The following NAV2 variants were observed in gnomAD, a reference collection of about 807,000 sequenced individuals.
The protein encoded by NAV2 is neuron navigator 2, also known as helicase, APC down-regulated 1.
A neutral mutation model predicts 223.2 loss-of-function variants in NAV2; 54 were observed. That is an observed-to-expected ratio of 0.24 (90% confidence interval 0.19 to 0.30). NAV2 has a LOEUF of 0.30. Among genes scored for constraint, NAV2 ranks in the 10% least tolerant of loss-of-function variants. The pLI, the probability that NAV2 is intolerant of heterozygous loss-of-function variation, is 1.00. For synonymous variants in NAV2, 1,279 were observed against 1,239.3 expected, an observed-to-expected ratio of 1.03 and a Z score of -0.67; for missense variants, 2,806 against 3,147.5, an observed-to-expected ratio of 0.89 and a Z score of 2.60.
At chr11:19,676,288 T>C (rs1341441367) in intron 1 of NAV2, among the ~76,000 whole-genome samples, 2 of 151,732 alleles carry the variant, frequency 1.3e-5, no homozygotes, top group East Asian at 3.9e-4. Flanking sequence ...CTTGGGTTCA[T>C]AACTGGCTCT....
At chr11:19,664,492 C>A (rs2048360979) in intron 1 of NAV2, among the ~76,000 whole-genome samples, 1 of 152,112 alleles carries the variant, frequency 6.6e-6, no homozygotes, top group Non-Finnish European at 1.5e-5. Flanking sequence ...GTCATGAGTC[C>A]AAGCTTAATT....
intron 1 of NAV2, among the ~76,000 whole-genome samples, chr11:19,699,768 C>T (rs1483104208): frequency 6.6e-6 from 1 of 152,192 alleles, no homozygotes; most frequent in African/African-American, 2.4e-5. Flanking sequence ...AGATGTGATC[C>T]AGGACTGCAA....
At chr11:19,559,480 C>G in intron 1 of NAV2, among the ~76,000 whole-genome samples, 1 of 152,214 alleles carries the variant, frequency 6.6e-6, no homozygotes, top group East Asian at 1.9e-4. Flanking sequence ...AAGAAAGCAT[C>G]TTATCACCTA....
chr11:19,791,477 G>T (rs1473542760), intron 1 of NAV2, among the ~76,000 whole-genome samples: 1 of 152,176 alleles, frequency 6.6e-6, no homozygotes, highest in Non-Finnish European at 1.5e-5. Context: ...AAGAAGCTGT[G>T]CCTGAGAGCT....
At chr11:19,848,107 C>A (rs568919764) in intron 3 of NAV2, among the ~76,000 whole-genome samples, 1 of 152,326 alleles carries the variant, frequency 6.6e-6, no homozygotes, top group South Asian at 2.1e-4. Context: ...TAGAGCACAG[C>A]CCTTCTTCTC....
intron 1 of NAV2, among the ~76,000 whole-genome samples, chr11:19,477,926 T>A (rs1436427715): frequency 6.6e-6 from 1 of 152,134 alleles, no homozygotes; most frequent in Non-Finnish European, 1.5e-5. Flanking sequence ...TAGCACTAGA[T>A]CCCAAAATAC....
intron 9 of NAV2, among the ~76,000 whole-genome samples, chr11:19,947,209 G>A (rs368847931): frequency 7.4e-4 from 113 of 152,224 alleles, no homozygotes; most frequent in African/African-American, 2.6e-3. Context: ...GAAACCACAG[G>A]GCTTCCCCAC....
chr11:20,046,740 A>G (rs1742103361), intron 14 of NAV2, among the ~76,000 whole-genome samples: 1 of 152,190 alleles, frequency 6.6e-6, no homozygotes, highest in African/African-American at 2.4e-5. Flanking sequence ...TAAACAAATT[A>G]TTCACTTGTT....
chr11:19,688,671 A>G (rs2049087736), intron 1 of NAV2, among the ~76,000 whole-genome samples: 1 of 152,190 alleles, frequency 6.6e-6, no homozygotes, highest in Admixed American at 6.5e-5. Context: ...AGGGGGATAT[A>G]TATCAGCTCT....
intron 1 of NAV2, among the ~76,000 whole-genome samples, chr11:19,794,192 A>T (rs1014742476): frequency 6.6e-6 from 1 of 152,210 alleles, no homozygotes; most frequent in African/African-American, 2.4e-5. Context: ...ATGACAAATG[A>T]CTTGAGCAGG....
At chr11:19,433,385 A>G (rs1257737643) in intron 1 of NAV2, among the ~76,000 whole-genome samples, 2 of 152,206 alleles carry the variant, frequency 1.3e-5, no homozygotes, top group Non-Finnish European at 1.5e-5. Flanking sequence ...TGGGGCACCA[A>G]CAAGGTAAAG....
chr11:19,715,378 G>A (rs2152327792), intron 1 of NAV2, among the ~76,000 whole-genome samples: 1 of 152,282 alleles, frequency 6.6e-6, no homozygotes, highest in East Asian at 1.9e-4. Flanking sequence ...TACAGGATTT[G>A]TCCAGTGGGC....
intron 1 of NAV2, among the ~76,000 whole-genome samples, chr11:19,542,154 G>A (rs1417336156): frequency 2.0e-5 from 3 of 152,146 alleles, no homozygotes; most frequent in Non-Finnish European, 4.4e-5. Context: ...CACAGACGGG[G>A]AGCTCACTCT....
chr11:19,551,778 G>T (rs900142872), intron 1 of NAV2, among the ~76,000 whole-genome samples: 14 of 152,286 alleles, frequency 9.2e-5, no homozygotes, highest in African/African-American at 2.6e-4. Context: ...TGCATTTCAC[G>T]TGTGGAGCAT....
chr11:19,803,857 C>T (rs1475944584), intron 1 of NAV2, among the ~76,000 whole-genome samples: 1 of 152,208 alleles, frequency 6.6e-6, no homozygotes. Context: ...CGTGTGTTTC[C>T]TCTGCCTCGC....
intron 1 of NAV2, among the ~76,000 whole-genome samples, chr11:19,634,277 T>C (rs1021964350): frequency 1.3e-5 from 2 of 152,034 alleles, no homozygotes; most frequent in African/African-American, 2.4e-5. Flanking sequence ...GAACAGCCCA[T>C]CCTAAATGAC....
intron 1 of NAV2, among the ~76,000 whole-genome samples, chr11:19,459,421 T>C (rs1026948252): frequency 1.3e-5 from 2 of 152,218 alleles, no homozygotes; most frequent in African/African-American, 4.8e-5. Context: ...CTGAGTGGAT[T>C]GAACAGACTT....
intron 1 of NAV2, among the ~76,000 whole-genome samples, chr11:19,595,346 G>C (rs1335687713): frequency 5.3e-5 from 8 of 152,142 alleles, no homozygotes; most frequent in Admixed American, 5.2e-4. Context: ...GGGGCTTTGA[G>C]ATTGGCTGAG....
intron 6 of NAV2, among the ~76,000 whole-genome samples, chr11:19,900,406 G>A (rs936448534): frequency 2.0e-5 from 3 of 152,156 alleles, no homozygotes; most frequent in African/African-American, 2.4e-5. Flanking sequence ...TGGCTCTGCC[G>A]CTTCCCAGAA....
Sources: gnomAD v4.1 joint callset for allele counts (sites outside exome capture counted in the v4.1 genomes callset) on GRCh38, gnomAD v4.1.1 for gene constraint, MANE v1.5 for transcripts, NCBI Gene and HGNC (gene_info 2026-07-23, HGNC 2026-07-21) for gene names.